Variants in CFAP99 observed in about 807,000 individuals in gnomAD.
CFAP99 encodes the protein cilia- and flagella-associated protein 99.
A neutral mutation model predicts 82.7 loss-of-function variants in CFAP99; 84 were observed. That is an observed-to-expected ratio of 1.02 (90% CI 0.85 to 1.22). The LOEUF (loss-of-function observed/expected upper bound fraction) is 1.22. Ranked by LOEUF, CFAP99 falls within the 50% of genes most tolerant of loss-of-function variation. The pLI is 0.00. For missense variants in CFAP99, 1,059 were observed against 983.5 expected (o/e 1.08, Z -1.03); for synonymous variants, 456 against 429.5 (o/e 1.06, Z -0.76).
chr4:2,460,201 C>G, exon 14 of CFAP99: 1 of 1,536,124 alleles, frequency 6.5e-7, no homozygotes, highest in Non-Finnish European at 8.7e-7. Flanking sequence ...TGGAGCAGAT[C>G]TCGCTGTGCC....
At position 2,426,422 on chromosome 4, in the gene CFAP99, A is replaced by T. The variant is rs573082110; in HGVS notation, c.-17-37A>T. The T allele has an allele frequency of 1.8e-5, 24 of 1,308,762 alleles. No individual in the cohort carries two copies. In the East Asian group the frequency reaches 2.0e-4, roughly 11 times the overall value. The allele number at this position is 1,308,762 out of a possible 1,614,324, so 81.1% of individuals were successfully genotyped here. ...GGGGAGGGTCCTGCGGCTACATCCC[A>T]GGTGTGGAGGGCGTGACCTGCACGG... On this transcript the variant is annotated intron_variant, in intron 1 of 14. Transcript: ENST00000635017.
At position 2,424,099 on chromosome 4, in the gene CFAP99, A is replaced by G. The variant is rs1266507856; in HGVS notation, c.-17-2360A>G. 2.6e-5 allele frequency among the ~76,000 whole-genome samples: 4 copies of G among 152,344 alleles called. No homozygotes were observed. The East Asian group carries it at 7.7e-4, about 29-fold the overall frequency. Reference sequence around the variant, plus strand: ...CTCCTGCTGGCCTCTGTGTCCATGCACAGCCAGGCTGGTCCCTAAAGCAGC... The same window carrying G: ...CTCCTGCTGGCCTCTGTGTCCATGCGCAGCCAGGCTGGTCCCTAAAGCAGC... On this transcript the variant is annotated intron_variant, in intron 1 of 14. Transcript: ENST00000635017.
intron 11 of CFAP99, among the ~76,000 whole-genome samples, chr4:2,454,595 T>C (rs11726488): frequency 0.067 from 7,231 of 107,722 alleles, 237 homozygotes; most frequent in Non-Finnish European, 0.1. Context: ...TTTTTTTTTG[T>C]TTTTTTTTTT....
rs1734638367 is a variant in CFAP99 at position 2,462,288 on chromosome 4, G to A, written c.1662-155G>A. ...GTGGTACTGTCTAGGAGCGCGCCGC[G>A]GCCCCTGGGCCTCGCTGTCTGTCCT... On this transcript the variant is annotated intron_variant, in intron 14 of 14. Coordinates refer to ENST00000635017, the Ensembl canonical transcript of CFAP99. This position sits in a 1 kb window ranked among gnomAD's most constrained non-coding sequence, Gnocchi z 4.1. The A allele has an allele frequency of 1.5e-6, 1 of 675,636 alleles. No homozygotes were observed. Among genetic ancestry groups the A allele is most frequent in the Non-Finnish European group, 2.2e-6 (1 of 448,270 alleles). The allele number at this position is 675,636 out of a possible 1,614,324, so 41.9% of individuals were successfully genotyped here.
At chr4:2,434,342 G>A (rs760201127) in intron 2 of CFAP99, among the ~76,000 whole-genome samples, 4 of 152,156 alleles carry the variant, frequency 2.6e-5, no homozygotes, top group Non-Finnish European at 4.4e-5. Flanking sequence ...ATGAACAAAC[G>A]TCACCATAGG....
chr4:2,460,320 G>GCAA, intron 14 of CFAP99, 78 bp downstream of exon 14: 2 of 1,335,442 alleles, frequency 1.5e-6, no homozygotes, highest in Non-Finnish European at 2.1e-6. Flanking sequence ...CCTCCTGGGT[G>GCAA]GGTCTCCTAG....
At chr4:2,440,356 C>T (rs1284658550) in intron 4 of CFAP99, among the ~76,000 whole-genome samples, 7 of 148,076 alleles carry the variant, frequency 4.7e-5, no homozygotes, top group Non-Finnish European at 8.9e-5. Flanking sequence ...CCGTTTTAGC[C>T]GGGATGGTCT....
At chr4:2,460,058 G>A in exon 14 of CFAP99, 2 of 1,536,008 alleles carry the variant, frequency 1.3e-6, no homozygotes, top group South Asian at 1.2e-5. Context: ...CGGCCTGGAA[G>A]GAGAGATGTC....
At chr4:2,451,045 C>G in intron 9 of CFAP99, 27 bp downstream of exon 9, 2 of 1,526,802 alleles carry the variant, frequency 1.3e-6, no homozygotes, top group Non-Finnish European at 1.8e-6. Context: ...GATGGTCAGG[C>G]TGCTCTCCCT....
chr4:2,439,124 G>A (rs1733982092), intron 4 of CFAP99, among the ~76,000 whole-genome samples: 1 of 152,232 alleles, frequency 6.6e-6, no homozygotes, highest in Non-Finnish European at 1.5e-5. Flanking sequence ...CTGACTGCCA[G>A]GTTTTCCCGG....
At chr4:2,425,884 AG>A (rs913294230) in intron 1 of CFAP99, among the ~76,000 whole-genome samples, 51 of 152,118 alleles carry the variant, frequency 3.4e-4, no homozygotes, top group Admixed American at 2.1e-3. Flanking sequence ...AGCCCTCCCC[AG>A]GGCCCTGTTC....
At position 2,450,196 on chromosome 4, in the gene CFAP99, G is replaced by A. The variant is rs150257599; in HGVS notation, c.795+191G>A. The A allele has an allele frequency of 2.2e-3, 1,371 of 624,372 alleles. 14 individuals carry two copies. The African/African-American group carries it at 0.022, about 10-fold the overall frequency. The allele number at this position is 624,372 out of a possible 1,614,324, so 38.7% of individuals were successfully genotyped here. A position where few individuals can be genotyped will look rare whatever the true frequency, so the allele number is the denominator to read the frequency against. ...CTGCGATGTGGCCCCTAAGCAGGCG[G>A]GTGTAGACGCGCACCCACATCCCCC... is the stretch of plus-strand genomic sequence containing the variant. On this transcript the variant is annotated intron_variant, in intron 8 of 14. Coordinates refer to ENST00000635017, the Ensembl canonical transcript of CFAP99.
At chr4:2,419,690 C>A (rs1578457443) in intron 1 of CFAP99, among the ~76,000 whole-genome samples, 1 of 152,170 alleles carries the variant, frequency 6.6e-6, no homozygotes, top group Non-Finnish European at 1.5e-5. Context: ...GGTCCGTGGG[C>A]TCCATGACCA....
At chr4:2,423,977 G>T (rs1318485094) in intron 1 of CFAP99, among the ~76,000 whole-genome samples, 2 of 152,224 alleles carry the variant, frequency 1.3e-5, no homozygotes, top group African/African-American at 4.8e-5. Context: ...GCTTTGTTCT[G>T]GGAGGCCTGG....
At chr4:2,449,277 C>T (rs1179155398) in intron 6 of CFAP99, among the ~76,000 whole-genome samples, 2 of 152,098 alleles carry the variant, frequency 1.3e-5, no homozygotes, top group Non-Finnish European at 1.5e-5. Context: ...TGATATTCTC[C>T]CAGCCTCTCC....
chr4:2,431,802 C>T (rs1392601290), intron 2 of CFAP99, among the ~76,000 whole-genome samples: 1 of 152,002 alleles, frequency 6.6e-6, no homozygotes, highest in Admixed American at 6.6e-5. Flanking sequence ...TGGCCACTTC[C>T]ACCTCCCAGG....
chr4:2,451,496 C>A, intron 10 of CFAP99, 144 bp downstream of exon 10: 1 of 702,546 alleles, frequency 1.4e-6, no homozygotes, highest in Non-Finnish European at 2.4e-6. Context: ...GCAACAGGGG[C>A]GACAAGCAGG....
At chr4:2,459,528 T>C (rs1734529317) in intron 13 of CFAP99, among the ~76,000 whole-genome samples, 1 of 152,256 alleles carries the variant, frequency 6.6e-6, no homozygotes, top group Non-Finnish European at 1.5e-5. Flanking sequence ...GGAGGCCACT[T>C]AGGAGCTGCC....
Position 2,448,929 on chromosome 4 carries a change from CAG to C in CFAP99, c.643-738_643-737del, listed in dbSNP as rs1213198411. ...AGGAGATGGATGTGGGTGTGAGAGACAGAGGTGACAAGGAGGACTCTGAGGCA... is the reference window on the plus strand; with the variant it reads ...AGGAGATGGATGTGGGTGTGAGAGACAGGTGACAAGGAGGACTCTGAGGCA... On this transcript the variant is annotated intron_variant, in intron 6 of 14. Transcript: ENST00000635017. This position sits in a 1 kb window ranked among gnomAD's most constrained non-coding sequence, Gnocchi z 5.2. Among the ~76,000 whole-genome samples the C allele has an allele frequency of 1.3e-5, 2 of 152,140 alleles. No homozygotes were observed.
Sources: allele counts gnomAD v4.1 joint callset (sites outside exome capture counted in the v4.1 genomes callset), GRCh38; gene constraint gnomAD v4.1.1; non-coding constraint Gnocchi (gnomAD v3.1); transcripts MANE v1.5; gene names NCBI Gene and HGNC (gene_info 2026-07-23, HGNC 2026-07-21).